KCNAB1: variants seen among roughly 807,000 people sequenced by gnomAD.
The protein encoded by KCNAB1 is voltage-gated potassium channel subunit beta-1.
In KCNAB1, 35 loss-of-function variants were observed where a neutral mutation model predicts 64.6. The ratio of observed to expected loss-of-function variants is 0.54; its 90% CI spans 0.41 to 0.72. The LOEUF (loss-of-function observed/expected upper bound fraction) is 0.72. Ranked by LOEUF, KCNAB1 falls within the 30% of genes least tolerant of loss-of-function variation. The probability of loss-of-function intolerance (pLI) is 0.00; values close to 1 mark genes in which losing one functional copy is unlikely to be tolerated. For missense variants in KCNAB1, 401 were observed against 512.9 expected, an observed-to-expected ratio of 0.78 and a Z score of 2.11; for synonymous variants, 177 against 183.8, an observed-to-expected ratio of 0.96 and a Z score of 0.30.
chr3:156,352,194 G>A (rs888136646), intron 1 of KCNAB1, among the ~76,000 whole-genome samples: 9 of 152,172 alleles, frequency 5.9e-5, no homozygotes, highest in African/African-American at 1.4e-4. Flanking sequence ...CCAACAACCC[G>A]TCTCCTGTGG....
intron 1 of KCNAB1, among the ~76,000 whole-genome samples, chr3:156,253,140 A>T (rs1031818737): frequency 1.3e-5 from 2 of 152,226 alleles, no homozygotes; most frequent in Non-Finnish European, 2.9e-5. Context: ...TATACATAGA[A>T]GATACATAAA....
chr3:156,240,845 G>C (rs1360664555), intron 1 of KCNAB1, among the ~76,000 whole-genome samples: 1 of 152,202 alleles, frequency 6.6e-6, no homozygotes, highest in Non-Finnish European at 1.5e-5. Context: ...AACACCAGTA[G>C]GGGAGGAAGG....
At chr3:156,430,225 A>T (rs1312822933) in intron 2 of KCNAB1, among the ~76,000 whole-genome samples, 1 of 152,198 alleles carries the variant, frequency 6.6e-6, no homozygotes, top group Non-Finnish European at 1.5e-5. Flanking sequence ...GTGGCAACCT[A>T]ATATTTCACA....
chr3:156,522,783 G>A (rs929412246), intron 11 of KCNAB1, among the ~76,000 whole-genome samples: 21 of 152,184 alleles, frequency 1.4e-4, no homozygotes, highest in Non-Finnish European at 1.5e-5. Context: ...ACTGCCTGTT[G>A]CAGAGCATTC....
intron 8 of KCNAB1, among the ~76,000 whole-genome samples, chr3:156,481,932 G>T (rs927431917): frequency 6.6e-6 from 1 of 152,120 alleles, no homozygotes; most frequent in Non-Finnish European, 1.5e-5. Context: ...GAATGCCCTA[G>T]GTAAGGCATG....
chr3:156,266,219 GA>G (rs2108485920), intron 1 of KCNAB1, among the ~76,000 whole-genome samples: 1 of 152,016 alleles, frequency 6.6e-6, no homozygotes, highest in Non-Finnish European at 1.5e-5. Context: ...CATCTACACA[GA>G]AATACCATAC....
chr3:156,228,930 C>T lies in KCNAB1; in HGVS notation c.275+108044C>T, dbSNP rs77702529. Among the ~76,000 whole-genome samples, 1,380 of 152,260 alleles carry T rather than the reference C, an allele frequency of 9.1e-3. 13 individuals carry two copies. The highest frequency in any genetic ancestry group is 0.021 in the African/African-American group (891 of 41,544). ...GTTCCATGGCATACCTGAACCCCAG[C>T]GGAGACTAGGGTTTACACAGAGAGA... is the stretch of plus-strand genomic sequence containing the variant. On this transcript the variant is annotated intron_variant, in intron 1 of 13. Transcript: ENST00000490337.
At position 156,473,338 on chromosome 3, in the gene KCNAB1, C is replaced by T. The variant is rs374461685; in HGVS notation, c.572-1396C>T. Among the ~76,000 whole-genome samples the T allele has an allele frequency of 5.9e-5, 9 of 152,250 alleles. No homozygotes were observed. The East Asian group carries it at 9.6e-4, about 16-fold the overall frequency. The stretch of plus-strand genomic sequence containing the variant: ...CCTAGCATGCTAGAGTGCAGATTTC[C>T]GACCTTTCAAACCTTGTGATACCCT... On this transcript the variant is annotated intron_variant, in intron 7 of 13. Coordinates refer to ENST00000490337, the MANE Select transcript of KCNAB1 (RefSeq NM_172160.3).
At chr3:156,422,178 C>A (rs1228822414) in intron 2 of KCNAB1, among the ~76,000 whole-genome samples, 1 of 152,122 alleles carries the variant, frequency 6.6e-6, no homozygotes, top group Admixed American at 6.5e-5. Context: ...AGTATTATTC[C>A]TCCCAGTCAA....
chr3:156,385,299 T>A (rs1044774860), intron 1 of KCNAB1, among the ~76,000 whole-genome samples: 5 of 152,174 alleles, frequency 3.3e-5, no homozygotes, highest in African/African-American at 1.2e-4. Context: ...ACAGTCTCCA[T>A]GGCCCCCACT....
At chr3:156,458,963 A>C (rs1303468781) in intron 4 of KCNAB1, among the ~76,000 whole-genome samples, 1 of 152,220 alleles carries the variant, frequency 6.6e-6, no homozygotes. Flanking sequence ...CATGCTCCAC[A>C]GCTAACCCGC....
Position 156,364,604 on chromosome 3 carries a change from C to A in KCNAB1, c.276-57012C>A, listed in dbSNP as rs1212961848. On this transcript the variant is annotated intron_variant, in intron 1 of 13. Coordinates refer to ENST00000490337, the MANE Select transcript of KCNAB1 (RefSeq NM_172160.3). ...GACCACCCTAACCAACATGGAGAAA[C>A]CCTGTCTCTACTAAAAATACAAAAT... 4.6e-5 allele frequency among the ~76,000 whole-genome samples: 7 copies of A among 152,142 alleles called. No individual in the cohort carries two copies. In the East Asian group the frequency reaches 1.4e-3, roughly 29 times the overall value.
At chr3:156,222,884 G>T (rs1390620256) in intron 1 of KCNAB1, among the ~76,000 whole-genome samples, 1 of 152,164 alleles carries the variant, frequency 6.6e-6, no homozygotes, top group Non-Finnish European at 1.5e-5. Flanking sequence ...TGAACTGAAT[G>T]ATAATAGTGA....
intron 1 of KCNAB1, among the ~76,000 whole-genome samples, chr3:156,361,891 C>A (rs1165605655): frequency 6.6e-6 from 1 of 152,196 alleles, no homozygotes; most frequent in Non-Finnish European, 1.5e-5. Context: ...AACTCCTGGG[C>A]TCCAGTGATC....
intron 1 of KCNAB1, among the ~76,000 whole-genome samples, chr3:156,146,653 C>T (rs975036548): frequency 6.6e-6 from 1 of 152,224 alleles, no homozygotes; most frequent in African/African-American, 2.4e-5. Context: ...TCTGTTACAT[C>T]TACTGACCTC....
intron 1 of KCNAB1, among the ~76,000 whole-genome samples, chr3:156,157,209 G>C (rs922818559): frequency 6.6e-6 from 1 of 152,162 alleles, no homozygotes; most frequent in African/African-American, 2.4e-5. Context: ...TGCTTGAAAG[G>C]AGAAAGCAAA....
rs79577682 is a variant in KCNAB1, at chr3:156,138,487, C to A, written c.275+17601C>A. Among the ~76,000 whole-genome samples, 605 of 152,214 alleles carry A rather than the reference C, an allele frequency of 4.0e-3. 4 individuals are homozygous for A. Among genetic ancestry groups the A allele is most frequent in the African/African-American group, 0.014 (571 of 41,522 alleles). On this transcript the variant is annotated intron_variant, in intron 1 of 13. Coordinates refer to ENST00000490337, the MANE Select transcript of KCNAB1 (RefSeq NM_172160.3). ...AGACCTGGATGTTCTTGGATGACTGCGACATGTCCAAGATATACAGTGTTC... is the reference window on the plus strand; with the variant it reads ...AGACCTGGATGTTCTTGGATGACTGAGACATGTCCAAGATATACAGTGTTC...
At chr3:156,270,645 G>T (rs369262670) in intron 1 of KCNAB1, among the ~76,000 whole-genome samples, 1 of 151,968 alleles carries the variant, frequency 6.6e-6, no homozygotes, top group Non-Finnish European at 1.5e-5. Flanking sequence ...ATGCCATTGC[G>T]CTGTCTTGAA....
intron 1 of KCNAB1, among the ~76,000 whole-genome samples, chr3:156,132,833 T>G (rs943478741): frequency 3.9e-5 from 6 of 152,078 alleles, no homozygotes; most frequent in Non-Finnish European, 7.3e-5. Flanking sequence ...CAGGAGACAG[T>G]GTGGTTTTGA....
Sources: allele counts gnomAD v4.1 joint callset (sites outside exome capture counted in the v4.1 genomes callset), GRCh38; gene constraint gnomAD v4.1.1; transcripts MANE v1.5; gene names NCBI Gene and HGNC (gene_info 2026-07-23, HGNC 2026-07-21).